The following PDSS2 variants were observed in gnomAD, a reference collection of about 807,000 sequenced individuals.
The protein encoded by PDSS2 is decaprenyl diphosphate synthase subunit 2.
PDSS2 carries 31 observed loss-of-function variants against 44.5 expected under a neutral mutation model. The observed-to-expected ratio is 0.70, with a 90% CI of 0.52 to 0.94. The LOEUF (loss-of-function observed/expected upper bound fraction) is 0.94. Ranked by LOEUF, PDSS2 falls within the 40% of genes least tolerant of loss-of-function variation. The pLI is 0.00. For synonymous variants in PDSS2, 157 were observed against 180.3 expected, an observed-to-expected ratio of 0.87 and a Z score of 1.03; for missense variants, 452 against 482.2, an observed-to-expected ratio of 0.94 and a Z score of 0.59.
chr6:107,245,402 T>C (rs1468120018), intron 4 of PDSS2, 146 bp downstream of exon 4: 3 of 546,916 alleles, frequency 5.5e-6, no homozygotes, highest in Non-Finnish European at 9.1e-6. Context: ...CATGAATTTG[T>C]AGCCAAAACA....
intron 2 of PDSS2, among the ~76,000 whole-genome samples, chr6:107,293,038 A>G (rs1383178356): frequency 2.0e-5 from 3 of 152,246 alleles, no homozygotes; most frequent in African/African-American, 7.2e-5. Context: ...TCAGATGGAC[A>G]GCTGATCAAC....
chr6:107,430,932 A>C (rs1206518936), intron 1 of PDSS2, among the ~76,000 whole-genome samples: 1 of 152,206 alleles, frequency 6.6e-6, no homozygotes, highest in African/African-American at 2.4e-5. Context: ...ATTGTAATTC[A>C]AAAAAATTAA....
intron 2 of PDSS2, among the ~76,000 whole-genome samples, chr6:107,274,559 C>T (rs1181939303): frequency 6.6e-6 from 1 of 151,756 alleles, no homozygotes; most frequent in Non-Finnish European, 1.5e-5. Flanking sequence ...CTCATAACTT[C>T]AAAATTTCTA....
chr6:107,418,954 T>C (rs1310188124), intron 1 of PDSS2, among the ~76,000 whole-genome samples: 1 of 152,134 alleles, frequency 6.6e-6, no homozygotes, highest in South Asian at 2.1e-4. Context: ...AAAAATTAGA[T>C]AAAATTTAAG....
intron 2 of PDSS2, among the ~76,000 whole-genome samples, chr6:107,314,447 C>T (rs899390910): frequency 2.0e-5 from 3 of 152,008 alleles, no homozygotes; most frequent in Non-Finnish European, 4.4e-5. Context: ...TGGGCTCCAG[C>T]GATGCAAGCC....
intron 7 of PDSS2, among the ~76,000 whole-genome samples, chr6:107,162,906 C>T (rs954941634): frequency 1.3e-5 from 2 of 151,992 alleles, no homozygotes; most frequent in Non-Finnish European, 2.9e-5. Flanking sequence ...TGCCCAGCCC[C>T]GATAATTCTG....
intron 4 of PDSS2, among the ~76,000 whole-genome samples, chr6:107,215,167 C>T (rs1008465194): frequency 2.0e-5 from 3 of 152,052 alleles, no homozygotes; most frequent in Admixed American, 6.6e-5. Context: ...ATTATCTCTC[C>T]ATATATACTG....
chr6:107,424,815 C>A (rs543821220), intron 1 of PDSS2, among the ~76,000 whole-genome samples: 2 of 152,312 alleles, frequency 1.3e-5, no homozygotes, highest in African/African-American at 4.8e-5. Context: ...GATTAATGAA[C>A]TGATTCCTTC....
At chr6:107,318,304 C>T (rs1777266440) in intron 2 of PDSS2, among the ~76,000 whole-genome samples, 1 of 152,102 alleles carries the variant, frequency 6.6e-6, no homozygotes, top group Admixed American at 6.5e-5. Context: ...TCAACAACAG[C>T]TCTAACAGGA....
At chr6:107,292,330 A>G (rs1434001703) in intron 2 of PDSS2, among the ~76,000 whole-genome samples, 1 of 152,212 alleles carries the variant, frequency 6.6e-6, no homozygotes, top group Non-Finnish European at 1.5e-5. Context: ...ATCACAGCTT[A>G]ACACAAAGAC....
chr6:107,342,146 A>G (rs1202567978), intron 1 of PDSS2, among the ~76,000 whole-genome samples: 1 of 151,748 alleles, frequency 6.6e-6, no homozygotes, highest in Non-Finnish European at 1.5e-5. Context: ...TCCTCTTTGG[A>G]TGCCCTGCAC....
At position 107,182,938 on chromosome 6, in the gene PDSS2, T is replaced by C. The variant is rs150230132; in HGVS notation, c.1041+10884A>G. Among the ~76,000 whole-genome samples, 793 of 152,242 alleles carry C rather than the reference T, an allele frequency of 5.2e-3. 6 individuals are homozygous for C. Among genetic ancestry groups the C allele is most frequent in the African/African-American group, 0.018 (767 of 41,526 alleles). ...AAAATTTTTGGACAGGGGCTGGTCATGGTGGCTCACACCTGTAATCCCAGC... is the reference window on the plus strand; with the variant it reads ...AAAATTTTTGGACAGGGGCTGGTCACGGTGGCTCACACCTGTAATCCCAGC... On this transcript the variant is annotated intron_variant, in intron 7 of 7. Transcript: ENST00000369037.
At chr6:107,391,835 A>G (rs1779792694) in intron 1 of PDSS2, among the ~76,000 whole-genome samples, 1 of 146,052 alleles carries the variant, frequency 6.8e-6, no homozygotes. Context: ...ATAGATTTTG[A>G]AAAAAAAGAT....
chr6:107,264,500 TA>T (rs1343111921), intron 3 of PDSS2: 2 of 1,539,966 alleles, frequency 1.3e-6, no homozygotes, highest in Non-Finnish European at 1.8e-6. Context: ...ATAGGTCCAT[TA>T]AATGAAAATG....
chr6:107,169,059 T>C (rs1554248057), intron 7 of PDSS2, among the ~76,000 whole-genome samples: 5 of 152,144 alleles, frequency 3.3e-5, no homozygotes, highest in Admixed American at 1.3e-4. Flanking sequence ...CTGGATAATA[T>C]CCTGCAGAGT....
At chr6:107,314,069 G>A (rs1293677753) in intron 2 of PDSS2, among the ~76,000 whole-genome samples, 1 of 152,172 alleles carries the variant, frequency 6.6e-6, no homozygotes, top group Non-Finnish European at 1.5e-5. Flanking sequence ...AGTGAACTAT[G>A]ATTGCTCCAC....
Position 107,264,067 on chromosome 6 carries a change from A to G in PDSS2, c.630+9962T>C, listed in dbSNP as rs563959315. On this transcript the variant is annotated intron_variant, in intron 3 of 7. Coordinates refer to ENST00000369037, the MANE Select transcript of PDSS2 (RefSeq NM_020381.4). ...TAGTGCAAGCAAAACTATAAACACT[A>G]TCATAATAATGCCTATTTTAAATGC... 17 of 180,184 alleles carry G rather than the reference A, an allele frequency of 9.4e-5. No homozygotes were observed. In the East Asian group the frequency reaches 2.8e-3, roughly 29 times the overall value. 11.2% of individuals were successfully genotyped at this position (180,184 alleles called of 1,614,324 possible). A position where few individuals can be genotyped will look rare whatever the true frequency, so the allele number is the denominator to read the frequency against.
At chr6:107,363,411 C>G (rs1294762203) in intron 1 of PDSS2, among the ~76,000 whole-genome samples, 1 of 152,054 alleles carries the variant, frequency 6.6e-6, no homozygotes, top group Non-Finnish European at 1.5e-5. Flanking sequence ...CTGGTGGGTT[C>G]GTGGTCTCAC....
chr6:107,334,359 A>G, intron 1 of PDSS2, 27 bp from the exon 2 acceptor site: 1 of 1,608,024 alleles, frequency 6.2e-7, no homozygotes, highest in Non-Finnish European at 8.5e-7. Flanking sequence ...AAGGAAGAGG[A>G]TTAATATACC....
Sources: allele counts gnomAD v4.1 joint callset (sites outside exome capture counted in the v4.1 genomes callset), GRCh38; gene constraint gnomAD v4.1.1; transcripts MANE v1.5; gene names NCBI Gene and HGNC (gene_info 2026-07-23, HGNC 2026-07-21).